The following DNAJC10 variants were observed in gnomAD, a reference collection of about 807,000 sequenced individuals.
The protein encoded by DNAJC10 is endoplasmic reticulum disulfide reductase DNAJC10.
In DNAJC10, 101 loss-of-function variants were observed where a neutral mutation model predicts 115.0. The observed-to-expected ratio is 0.88, with a 90% CI of 0.75 to 1.04. DNAJC10 has a LOEUF of 1.04. Ranked by LOEUF, DNAJC10 falls within the 50% of genes least tolerant of loss-of-function variation. The probability of loss-of-function intolerance (pLI) is 0.00; values close to 1 mark genes in which losing one functional copy is unlikely to be tolerated. For missense variants in DNAJC10, 981 were observed against 928.8 expected (o/e 1.06, Z -0.73); for synonymous variants, 307 against 301.5 (o/e 1.02, Z -0.19).
rs756826740 is a variant in DNAJC10, at chr2:182,762,665, G to T, written c.2146-17G>T. Reference sequence around the variant, plus strand: ...TATGCCAAACAGAAAATGGCAAACTGTATTTTTCTTTTTCAGATGATTAAA... The same window carrying T: ...TATGCCAAACAGAAAATGGCAAACTTTATTTTTCTTTTTCAGATGATTAAA... On this transcript the variant is annotated splice_polypyrimidine_tract_variant and intron_variant, in intron 21 of 23. Transcript: ENST00000264065. 22 of 1,610,410 alleles carry T rather than the reference G, an allele frequency of 1.4e-5. No homozygotes were observed. Among genetic ancestry groups the T allele is most frequent in the Non-Finnish European group, 1.8e-5 (21 of 1,177,730 alleles).
At chr2:182,758,494 A>G (rs1048570160) in intron 19 of DNAJC10, among the ~76,000 whole-genome samples, 1 of 152,182 alleles carries the variant, frequency 6.6e-6, no homozygotes, top group Non-Finnish European at 1.5e-5. Flanking sequence ...TGTGTCTTTA[A>G]AAATGGGTAG....
rs971583549 is a variant in DNAJC10, at chr2:182,788,773, T to G, written c.*11641T>G. 2.0e-5 allele frequency: 9 copies of G among 452,128 alleles called. No individual in the cohort carries two copies. Among genetic ancestry groups the G allele is most frequent in the Non-Finnish European group, 4.0e-5 (9 of 225,762 alleles). The allele number at this position is 452,128 out of a possible 1,614,324, so 28.0% of individuals were successfully genotyped here. A position where few individuals can be genotyped will look rare whatever the true frequency, so the allele number is the denominator to read the frequency against. On this transcript the variant is annotated 3_prime_UTR_variant, in exon 24 of 24. Coordinates refer to ENST00000264065, the MANE Select transcript of DNAJC10 (RefSeq NM_018981.4). ...ACGGAAAGGTAGACTATTCAGAAGT[T>G]TTCTAAAATGGACTTCAAGCTCTAT... is the stretch of plus-strand genomic sequence containing the variant.
At position 182,791,791 on chromosome 2, in the gene DNAJC10, A is replaced by G. The variant is rs1695054613; in HGVS notation, c.*14659A>G. 1 of 152,154 alleles carries G rather than the reference A, an allele frequency of 6.6e-6. No individual in the cohort carries two copies. Among genetic ancestry groups the G allele is most frequent in the Non-Finnish European group, 1.5e-5 (1 of 68,014 alleles). The allele number at this position is 152,154 out of a possible 1,614,324, so 9.4% of individuals were successfully genotyped here. On this transcript the variant is annotated 3_prime_UTR_variant, in exon 24 of 24. Coordinates refer to ENST00000264065, the MANE Select transcript of DNAJC10 (RefSeq NM_018981.4). ...GTCATTTCAGTCACATGTTTCTAAT[A>G]CATGATAAGATTTGCAGTTATCGTT... is the stretch of plus-strand genomic sequence containing the variant.
Position 182,756,352 on chromosome 2 carries a change from C to A in DNAJC10, c.1692C>A (p.Thr564=). The A allele has an allele frequency of 6.2e-7, 1 of 1,613,896 alleles. No individual in the cohort carries two copies. The highest frequency in any genetic ancestry group is 1.3e-5 in the African/African-American group (1 of 75,022). Residue 564 remains threonine (T), a synonymous_variant, in exon 18 of 24, where the codon ACC becomes ACA. Transcript: ENST00000264065. ...MNPSVVSLTP[T]TFNELVTQRK... is the part of the protein sequence containing the mutation. ...CTTCAGTGGTCTCCCTTACACCCACCACCTTCAACGAACTAGTTACACAAA... is the reference window on the plus strand; with the variant it reads ...CTTCAGTGGTCTCCCTTACACCCACAACCTTCAACGAACTAGTTACACAAA...
intron 14 of DNAJC10, among the ~76,000 whole-genome samples, chr2:182,748,246 A>T (rs1272569247): frequency 6.6e-6 from 1 of 151,706 alleles, no homozygotes; most frequent in East Asian, 1.9e-4. Context: ...TGGCCTCATA[A>T]AATGAGTTAG....
chr2:182,741,265 G>A lies in DNAJC10; in HGVS notation c.1100G>A (p.Trp367Ter). The stretch of plus-strand genomic sequence containing the variant: ...AAGGATCGTTTGGCTCATCATCGGT[G>A]GCTGTTATTTTTTCATTTTGGAAAA... ...TLEDRLAHHR[W>*]LLFFHFGKNE... is the part of the protein sequence containing the mutation. The change falls in exon 13 of 24, where the codon TGG (tryptophan) becomes TAG (stop). Residue 367 changes from tryptophan to a stop codon, truncating the protein, a stop_gained. Transcript: ENST00000264065. LOFTEE classifies it high-confidence loss of function. 1 of 1,602,836 alleles carries A rather than the reference G, an allele frequency of 6.2e-7. No individual in the cohort carries two copies. Among genetic ancestry groups the A allele is most frequent in the Non-Finnish European group, 8.5e-7 (1 of 1,175,922 alleles).
rs1220103279 is a variant in DNAJC10, at chr2:182,732,520, G to A, written c.827G>A (p.Arg276Gln). The A allele has an allele frequency of 1.2e-5, 19 of 1,613,154 alleles. No homozygotes were observed. Among genetic ancestry groups the A allele is most frequent in the East Asian group, 4.5e-5 (2 of 44,850 alleles). ...KGGDCLTSQT[R>Q]LRLSGMLDGL... ...CCAGATTGTTTGACTTCACAGACAC[G>A]ACTCAGGCTTAGTGGCATGTTGGTA... Residue 276 changes from arginine to glutamine, a missense_variant, in exon 10 of 24, where the codon CGA becomes CAA. Arg to Gln is a conservative substitution (Grantham distance 43). Transcript: ENST00000264065.
rs183253996 is a variant in DNAJC10 at position 182,731,148 on chromosome 2, A to C, written c.805+41A>C. 7.1e-3 allele frequency: 10,629 copies of C among 1,488,874 alleles called. 49 individuals carry two copies. Among genetic ancestry groups the C allele is most frequent in the Non-Finnish European group, 9.1e-3 (9,811 of 1,080,302 alleles). 92.2% of individuals were successfully genotyped at this position (1,488,874 alleles called of 1,614,324 possible). On this transcript the variant is annotated intron_variant, in intron 9 of 23. Coordinates refer to ENST00000264065, the MANE Select transcript of DNAJC10 (RefSeq NM_018981.4). ...AATTTTGTTGGAATGAGAACATGAC[A>C]TTTAAATTTTTGGTGACAGTTTTAA...
At chr2:182,760,786 AT>A (rs1209536713) in intron 21 of DNAJC10, among the ~76,000 whole-genome samples, 1 of 152,118 alleles carries the variant, frequency 6.6e-6, no homozygotes, top group Non-Finnish European at 1.5e-5. Context: ...GGCCATGGGA[AT>A]TTTTTAGCAG....
At chr2:182,736,760 T>C (rs1574929455) in intron 11 of DNAJC10, among the ~76,000 whole-genome samples, 1 of 152,328 alleles carries the variant, frequency 6.6e-6, no homozygotes, top group African/African-American at 2.4e-5. Flanking sequence ...TTTATTTTGT[T>C]TTTTTTGAGA....
At chr2:182,751,278 A>G (rs1296641023) in intron 14 of DNAJC10, among the ~76,000 whole-genome samples, 1 of 151,260 alleles carries the variant, frequency 6.6e-6, no homozygotes, top group African/African-American at 2.4e-5. Flanking sequence ...GGGACTACAC[A>G]CGTGGCCACC....
At chr2:182,732,969 C>G (rs1693490071) in intron 10 of DNAJC10, among the ~76,000 whole-genome samples, 1 of 151,786 alleles carries the variant, frequency 6.6e-6, no homozygotes, top group South Asian at 2.1e-4. Context: ...CTTGACAAAG[C>G]CACACAAATT....
chr2:182,716,711 C>T (rs958914061), intron 1 of DNAJC10, among the ~76,000 whole-genome samples: 7 of 152,250 alleles, frequency 4.6e-5, no homozygotes, highest in African/African-American at 1.7e-4. Context: ...TAAGTCCGAC[C>T]TGAGACTTCA....
chr2:182,753,883 A>G lies in DNAJC10; in HGVS notation c.1552-1120A>G, dbSNP rs143593848. Among the ~76,000 whole-genome samples the G allele has an allele frequency of 1.8e-3, 273 of 152,126 alleles. 3 individuals carry two copies. The highest frequency in any genetic ancestry group is 0.011 in the East Asian group (57 of 5,176). ...AGGCATGAGCCACTGCGCCCAGCCA[A>G]TTTCTTTAGTTTTTCTACTTTTCAT... On this transcript the variant is annotated intron_variant, in intron 16 of 23. Transcript: ENST00000264065.
intron 12 of DNAJC10, 68 bp from the exon 13 acceptor site, chr2:182,741,175 T>G: frequency 9.2e-7 from 1 of 1,083,948 alleles, no homozygotes. Flanking sequence ...CTTCAAGTCA[T>G]AGAAATGAAG....
intron 14 of DNAJC10, among the ~76,000 whole-genome samples, chr2:182,746,737 A>C (rs182584470): frequency 6.6e-6 from 1 of 152,216 alleles, no homozygotes; most frequent in East Asian, 1.9e-4. Flanking sequence ...TAGTTTAATT[A>C]GATCCCATTT....
rs545022040 is a variant in DNAJC10 at position 182,716,305 on chromosome 2, C to T, written c.-382C>T. 6.6e-6 allele frequency: 1 copy of T among 152,494 alleles called. No individual in the cohort carries two copies. Among genetic ancestry groups the T allele is most frequent in the African/African-American group, 2.4e-5 (1 of 41,598 alleles). 9.4% of individuals were successfully genotyped at this position (152,494 alleles called of 1,614,324 possible). A position where few individuals can be genotyped will look rare whatever the true frequency, so the allele number is the denominator to read the frequency against. ...GCGTGAGGAACCTACCGGTACCGGC[C>T]GCGCGCTGGTAGTCGCCGGTGTGGC... On this transcript the variant is annotated 5_prime_UTR_variant, in exon 1 of 24. Transcript: ENST00000264065.
intron 21 of DNAJC10, among the ~76,000 whole-genome samples, chr2:182,761,718 C>A (rs1417817531): frequency 6.6e-6 from 1 of 152,082 alleles, no homozygotes; most frequent in Non-Finnish European, 1.5e-5. Flanking sequence ...GCTTATGCGG[C>A]ATTCACCCAA....
chr2:182,767,574 A>G (rs1014215927), intron 22 of DNAJC10, among the ~76,000 whole-genome samples: 1 of 151,962 alleles, frequency 6.6e-6, no homozygotes, highest in African/African-American at 2.4e-5. Flanking sequence ...CATAACTTCA[A>G]GGTGATCACG....
Sources: allele counts gnomAD v4.1 joint callset (sites outside exome capture counted in the v4.1 genomes callset), GRCh38; gene constraint gnomAD v4.1.1; transcripts MANE v1.5; gene names NCBI Gene and HGNC (gene_info 2026-07-23, HGNC 2026-07-21).